The following KYAT3 variants were observed in gnomAD, a reference collection of about 807,000 sequenced individuals.
KYAT3 encodes kynurenine--oxoglutarate transaminase 3.
A neutral mutation model predicts 59.0 loss-of-function variants in KYAT3; 50 were observed. The observed-to-expected ratio is 0.85, with a 90% confidence interval of 0.68 to 1.07. The LOEUF (loss-of-function observed/expected upper bound fraction) is 1.07. Among genes scored for constraint, KYAT3 ranks in the 50% least tolerant of loss-of-function variants. The probability of loss-of-function intolerance (pLI) is 0.00; values close to 1 mark genes in which losing one functional copy is unlikely to be tolerated. For synonymous variants in KYAT3, 148 were observed against 177.0 expected, an observed-to-expected ratio of 0.84 and a Z score of 1.30; for missense variants, 497 against 533.3, an observed-to-expected ratio of 0.93 and a Z score of 0.67.
chr1:88,982,501 A>C, intron 2 of KYAT3: 1 of 1,251,464 alleles, frequency 8.0e-7, no homozygotes, highest in Non-Finnish European at 1.1e-6. Flanking sequence ...TCCTCACAAG[A>C]ACATAAAAAT....
intron 10 of KYAT3, among the ~76,000 whole-genome samples, chr1:88,950,877 T>C (rs751583035): frequency 2.6e-5 from 4 of 152,200 alleles, no homozygotes; most frequent in Non-Finnish European, 4.4e-5. Flanking sequence ...GTCCTTACAG[T>C]GACATGCATG....
intron 8 of KYAT3, among the ~76,000 whole-genome samples, chr1:88,959,035 T>A (rs545242701): frequency 6.6e-6 from 1 of 152,256 alleles, no homozygotes; most frequent in South Asian, 2.1e-4. Context: ...CACAGCCCTT[T>A]GGGAGGCCAG....
intron 10 of KYAT3, among the ~76,000 whole-genome samples, chr1:88,952,489 A>C (rs1675717729): frequency 6.6e-6 from 1 of 152,106 alleles, no homozygotes; most frequent in Non-Finnish European, 1.5e-5. Flanking sequence ...ATTGTGAGAT[A>C]CGGTTGTTTA....
intron 10 of KYAT3, 132 bp from the exon 11 acceptor site, chr1:88,949,409 GA>G (rs1260145494): frequency 1.7e-6 from 1 of 576,998 alleles, no homozygotes; most frequent in Middle Eastern, 3.3e-4. Flanking sequence ...AATAACAGTT[GA>G]ATTCCTGTGA....
chr1:88,934,796 G>C (rs1446897521), downstream of KYAT3, among the ~76,000 whole-genome samples: 3 of 152,150 alleles, frequency 2.0e-5, no homozygotes, highest in Non-Finnish European at 2.9e-5. Flanking sequence ...AACTACAACA[G>C]TAATGATCAA....
At position 88,952,799 on chromosome 1, in the gene KYAT3, G is replaced by C. The variant is rs200338284; in HGVS notation, c.954+264C>G. 1.7e-4 allele frequency among the ~76,000 whole-genome samples: 26 copies of C among 152,218 alleles called. No individual in the cohort carries two copies. In the East Asian group the frequency reaches 5.0e-3, roughly 29 times the overall value. On this transcript the variant is annotated intron_variant, in intron 10 of 13. Coordinates refer to ENST00000260508, the MANE Select transcript of KYAT3 (RefSeq NM_001008661.3). ...GGCAAACACATGTGTAATTTTGTTT[G>C]GTGTTGCCATTGTCCTTCACAGAAT...
At chr1:88,963,339 G>C (rs1466019362) in intron 5 of KYAT3, among the ~76,000 whole-genome samples, 1 of 152,162 alleles carries the variant, frequency 6.6e-6, no homozygotes, top group African/African-American at 2.4e-5. Flanking sequence ...ACAAAACTAT[G>C]TATAGGATTA....
chr1:88,924,943 C>A, the KYAT3 span, among the ~76,000 whole-genome samples: 42 of 152,288 alleles, frequency 2.8e-4, no homozygotes, highest in African/African-American at 1.0e-3. Context: ...GCCAAGAACC[C>A]CAGATCAGAG....
At chr1:88,988,432 G>GTA in intron 1 of KYAT3, 81 bp from the exon 2 acceptor site, 1 of 772,294 alleles carries the variant, frequency 1.3e-6, no homozygotes, top group Non-Finnish European at 2.2e-6. Context: ...GCTAGCTGAT[G>GTA]TATCATAAGC....
At chr1:88,930,614 C>T in the KYAT3 span, among the ~76,000 whole-genome samples, 2 of 152,196 alleles carry the variant, frequency 1.3e-5, no homozygotes, top group Non-Finnish European at 2.9e-5. Flanking sequence ...AACTAGCGCT[C>T]AGCTGGCAGA....
At chr1:88,972,918 C>T (rs943869385) in intron 2 of KYAT3, among the ~76,000 whole-genome samples, 1 of 152,184 alleles carries the variant, frequency 6.6e-6, no homozygotes, top group African/African-American at 2.4e-5. Context: ...TGGGTTGGAC[C>T]ATGCCCCCCT....
At chr1:88,981,047 T>C (rs1468743311) in intron 2 of KYAT3, 1 of 152,210 alleles carries the variant, frequency 6.6e-6, no homozygotes, top group Non-Finnish European at 1.5e-5. Context: ...TTTGAGAACA[T>C]TACACTATTG....
At chr1:88,922,424 C>G in the KYAT3 span, among the ~76,000 whole-genome samples, 1 of 152,180 alleles carries the variant, frequency 6.6e-6, no homozygotes, top group Non-Finnish European at 1.5e-5. Flanking sequence ...AGACTGGTAC[C>G]AGCTGGTGAC....
chr1:88,938,817 G>A (rs1165965219), intron 13 of KYAT3, among the ~76,000 whole-genome samples: 1 of 152,118 alleles, frequency 6.6e-6, no homozygotes, highest in Non-Finnish European at 1.5e-5. Flanking sequence ...TCTGAATGTA[G>A]CATCATTTAT....
downstream of KYAT3, among the ~76,000 whole-genome samples, chr1:88,930,963 T>G (rs111662328): frequency 0.05 from 7,669 of 152,138 alleles, 587 homozygotes; most frequent in African/African-American, 0.16. Flanking sequence ...GGACCCCTAG[T>G]GTGGGGTAAT....
Position 88,964,927 on chromosome 1 carries a change from G to C in KYAT3, c.355C>G (p.Gln119Glu), listed in dbSNP as rs770899160. ...ALSYLYEKLY[Q>E]KQIDSNKEIL... ...TCTTTATTTGAATCAATTTGCTTTT[G>C]ATAAAGCTTTTCATACAGATAGGAC... The change falls in exon 5 of 14, where the codon CAA becomes GAA. Residue 119 changes from glutamine (Q) to glutamate (E), a missense_variant. Transcript: ENST00000260508. The C allele has an allele frequency of 6.2e-7, 1 of 1,610,520 alleles. No homozygotes were observed. Among genetic ancestry groups the C allele is most frequent in the Non-Finnish European group, 8.5e-7 (1 of 1,178,842 alleles).
At chr1:88,983,382 C>T in intron 2 of KYAT3, 1 of 1,614,234 alleles carries the variant, frequency 6.2e-7, no homozygotes, top group Non-Finnish European at 8.5e-7. Flanking sequence ...CCTCTTTTTA[C>T]TGGGAGTGGT....
At chr1:88,975,853 G>C (rs1676766360) in intron 2 of KYAT3, among the ~76,000 whole-genome samples, 2 of 151,910 alleles carry the variant, frequency 1.3e-5, no homozygotes, top group Admixed American at 1.3e-4. Context: ...TGGCCAACAT[G>C]GTAAAACCCC....
At chr1:88,925,634 A>G in the KYAT3 span, among the ~76,000 whole-genome samples, 1 of 152,060 alleles carries the variant, frequency 6.6e-6, no homozygotes, top group South Asian at 2.1e-4. Flanking sequence ...CTAAGAGAAG[A>G]GAAAGAGTGA....
Sources: gnomAD v4.1 joint callset for allele counts (sites outside exome capture counted in the v4.1 genomes callset) on GRCh38, gnomAD v4.1.1 for gene constraint, MANE v1.5 for transcripts, NCBI Gene and HGNC (gene_info 2026-07-23, HGNC 2026-07-21) for gene names.